Variants in PRDM2 observed in about 807,000 individuals in gnomAD.
PRDM2 encodes the protein PR domain zinc finger protein 2.
In PRDM2, 30 loss-of-function variants were observed where a neutral mutation model predicts 130.0. The ratio of observed to expected loss-of-function variants is 0.23; its 90% CI spans 0.17 to 0.31. The LOEUF (loss-of-function observed/expected upper bound fraction) is 0.31. Ranked by LOEUF, PRDM2 falls within the 10% of genes least tolerant of loss-of-function variation. The pLI, the probability that PRDM2 is intolerant of heterozygous loss-of-function variation, is 1.00. For synonymous variants in PRDM2, 871 were observed against 782.4 expected (o/e 1.11, Z -1.89); for missense variants, 2,011 against 2,108.4 (o/e 0.95, Z 0.90).
In PRDM2 at chr1:13,777,011, G is replaced by C. The variant is rs527853444; in HGVS notation, c.623-1407G>C. On this transcript the variant is annotated intron_variant, in intron 7 of 9. Coordinates refer to ENST00000311066, the MANE Select transcript of PRDM2 (RefSeq NM_001393986.1). ...GTCTACTTAATATATTTACTTGGAT[G>C]TCTATAATCAGGTACCTTAAACTTT... Among the ~76,000 whole-genome samples the C allele has an allele frequency of 1.2e-3, 177 of 152,274 alleles. 3 individuals are homozygous for C. The South Asian group carries it at 0.036, about 31-fold the overall frequency.
chr1:13,758,181 C>T (rs758476945), intron 6 of PRDM2, among the ~76,000 whole-genome samples: 3 of 152,034 alleles, frequency 2.0e-5, no homozygotes, highest in Non-Finnish European at 4.4e-5. Context: ...CGGTGGCTCA[C>T]ACCTGTAATC....
chr1:13,823,470 T>A lies in PRDM2; in HGVS notation c.*335T>A. The A allele has an allele frequency of 2.2e-6, 1 of 463,704 alleles. No homozygotes were observed. Among genetic ancestry groups the A allele is most frequent in the South Asian group, 3.1e-5 (1 of 32,632 alleles). The allele number at this position is 463,704 out of a possible 1,614,324, so 28.7% of individuals were successfully genotyped here. A position where few individuals can be genotyped will look rare whatever the true frequency, so the allele number is the denominator to read the frequency against. On this transcript the variant is annotated 3_prime_UTR_variant, in exon 10 of 10. Coordinates refer to ENST00000311066, the MANE Select transcript of PRDM2 (RefSeq NM_001393986.1). ...TGTTGGGGTGGGGCCTCTCCTACTA[T>A]GCAATTTTTCAAGAGCTCCTTGACC...
intron 4 of PRDM2, among the ~76,000 whole-genome samples, chr1:13,739,284 T>C (rs1038475682): frequency 5.3e-5 from 8 of 152,128 alleles, no homozygotes; most frequent in African/African-American, 1.9e-4. Context: ...CCTGACCTCA[T>C]GATTCCTCCC....
chr1:13,729,578 C>T lies in PRDM2; in HGVS notation c.10-1422C>T, dbSNP rs528225949. On this transcript the variant is annotated intron_variant, in intron 2 of 9. Transcript: ENST00000311066. ...TAGATTAAGAATTTAAAAATGGGGACACTATATTTAGAAGTGAAAAATGTC... is the reference window on the plus strand; with the variant it reads ...TAGATTAAGAATTTAAAAATGGGGATACTATATTTAGAAGTGAAAAATGTC... 6.4e-4 allele frequency among the ~76,000 whole-genome samples: 98 copies of T among 152,254 alleles called. 2 individuals are homozygous for T. The highest frequency in any genetic ancestry group is 6.0e-3 in the South Asian group (29 of 4,830).
chr1:13,742,362 C>T (rs1331256626), intron 5 of PRDM2, among the ~76,000 whole-genome samples: 7 of 152,096 alleles, frequency 4.6e-5, no homozygotes, highest in South Asian at 2.1e-4. Flanking sequence ...CCACCACACC[C>T]GGCTGAGTTT....
chr1:13,782,703 G>A lies in PRDM2; in HGVS notation c.4908G>A (p.Arg1636=), dbSNP rs1644644115. The change falls in exon 8 of 10, where the codon CGG becomes CGA. Residue 1636 remains arginine (R), a synonymous_variant. Transcript: ENST00000311066. Reference sequence around the variant, plus strand: ...TGGCGAGTAAGAAAAGAACAGACCGGTTCAATATAAAATCTAGAGAGCGGA... The same window carrying A: ...TGGCGAGTAAGAAAAGAACAGACCGATTCAATATAAAATCTAGAGAGCGGA... ...STLASKKRTD[R]FNIKSRERSG... The A allele has an allele frequency of 6.8e-6, 11 of 1,614,012 alleles. No homozygotes were observed. Among genetic ancestry groups the A allele is most frequent in the Non-Finnish European group, 9.3e-6 (11 of 1,180,000 alleles).
rs146638406 is a variant in PRDM2 at position 13,775,685 on chromosome 1, C to T, written c.622+2497C>T. Among the ~76,000 whole-genome samples, 552 of 152,272 alleles carry T rather than the reference C, an allele frequency of 3.6e-3. 4 individuals are homozygous for T. Among genetic ancestry groups the T allele is most frequent in the African/African-American group, 0.013 (534 of 41,536 alleles). On this transcript the variant is annotated intron_variant, in intron 7 of 9. Coordinates refer to ENST00000311066, the MANE Select transcript of PRDM2 (RefSeq NM_001393986.1). ...AGTAATACTTGGCATTGACCTCTTC[C>T]CCACTGTATCCACGCAGTCCCCATG...
At chr1:13,809,593 C>T (rs1285502707) in intron 8 of PRDM2, among the ~76,000 whole-genome samples, 6 of 152,054 alleles carry the variant, frequency 3.9e-5, no homozygotes, top group African/African-American at 1.2e-4. Flanking sequence ...AGAGATGTCA[C>T]GTCAGTGCGT....
intron 9 of PRDM2, among the ~76,000 whole-genome samples, chr1:13,821,758 C>T (rs530540579): frequency 2.6e-5 from 4 of 152,294 alleles, no homozygotes; most frequent in Admixed American, 6.5e-5. Context: ...TGAGCCACCG[C>T]GCCCAGCCTG....
intron 5 of PRDM2, among the ~76,000 whole-genome samples, chr1:13,747,865 A>G (rs1643662094): frequency 6.6e-6 from 1 of 152,172 alleles, no homozygotes; most frequent in African/African-American, 2.4e-5. Context: ...TAACAGCAAC[A>G]CATTATTTTA....
chr1:13,750,508 G>A (rs765738216), intron 6 of PRDM2, among the ~76,000 whole-genome samples: 16 of 151,980 alleles, frequency 1.1e-4, no homozygotes, highest in Non-Finnish European at 2.2e-4. Flanking sequence ...AAGTCATACT[G>A]TAAATAAAAT....
chr1:13,781,163 ATGT>A lies in PRDM2; in HGVS notation c.3376_3378del (p.Val1126del), dbSNP rs573722447. On this transcript the variant is annotated inframe_deletion, in exon 8 of 10. Coordinates refer to ENST00000311066, the MANE Select transcript of PRDM2 (RefSeq NM_001393986.1). The surrounding 1 kb of genome is among the most constrained non-coding windows in gnomAD (Gnocchi z 6.1). ...GAGCCCCAGTCTGCTGCTGAACAGG[ATGT>A]TGTTGTTCAGGAAACATTCAACAAA... 8.7e-4 allele frequency: 1,404 copies of A among 1,614,158 alleles called. 4 individuals carry two copies. Among genetic ancestry groups the A allele is most frequent in the Non-Finnish European group, 8.6e-4 (1,012 of 1,180,030 alleles).
Position 13,732,926 on chromosome 1 carries a change from A to G in PRDM2, c.231+44A>G, listed in dbSNP as rs758280323. On this transcript the variant is annotated intron_variant, in intron 4 of 9. Transcript: ENST00000311066. ...TCTTTGTTTTTCAGAGTTTTATGAAATAATTATTCTGTTCTCTCAGAATTT... is the reference window on the plus strand; with the variant it reads ...TCTTTGTTTTTCAGAGTTTTATGAAGTAATTATTCTGTTCTCTCAGAATTT... 6 of 1,277,158 alleles carry G rather than the reference A, an allele frequency of 4.7e-6. No individual in the cohort carries two copies. In the Admixed American group the frequency reaches 1.3e-4, roughly 28 times the overall value. 79.1% of individuals were successfully genotyped at this position (1,277,158 alleles called of 1,614,324 possible). A position where few individuals can be genotyped will look rare whatever the true frequency, so the allele number is the denominator to read the frequency against.
Position 13,779,524 on chromosome 1 carries a change from A to G in PRDM2, c.1729A>G (p.Asn577Asp). The G allele has an allele frequency of 1.2e-6, 2 of 1,614,110 alleles. No homozygotes were observed. The highest frequency in any genetic ancestry group is 1.7e-6 in the Non-Finnish European group (2 of 1,179,952). Reference sequence around the variant, plus strand: ...CTATATTGATGGTAAAATTCAAACTAATAACAACACTAGTAACTGTGATGT... The same window carrying G: ...CTATATTGATGGTAAAATTCAAACTGATAACAACACTAGTAACTGTGATGT... ...NYYIDGKIQT[N>D]NNTSNCDVIE... The change falls in exon 8 of 10, where the codon AAT becomes GAT. Residue 577 changes from asparagine to aspartate, a missense_variant. Asn to Asp is a conservative substitution (Grantham distance 23). This residue lies in a region of PRDM2 where 1,288 missense variants were observed against 1,237.7 expected (regional missense o/e 1.04). Coordinates refer to ENST00000311066, the MANE Select transcript of PRDM2 (RefSeq NM_001393986.1). The surrounding 1 kb of genome is among the most constrained non-coding windows in gnomAD (Gnocchi z 4.9).
At position 13,779,371 on chromosome 1, in the gene PRDM2, C is replaced by T. The variant is rs541808314; in HGVS notation, c.1576C>T (p.Pro526Ser). ...RRKGGLEEPQ[P>S]PAEQAQATQN... is the part of the protein sequence containing the mutation. The stretch of plus-strand genomic sequence containing the variant: ...AAAAGGAGGCCTTGAAGAGCCCCAG[C>T]CTCCAGCAGAACAGGCCCAGGCCAC... Residue 526 changes from proline to serine, a missense_variant, in exon 8 of 10, where the codon CCT (proline) becomes TCT (serine). Transcript: ENST00000311066. The surrounding 1 kb of genome is among the most constrained non-coding windows in gnomAD (Gnocchi z 4.9). The T allele has an allele frequency of 8.7e-6, 14 of 1,614,152 alleles. No individual in the cohort carries two copies. Among genetic ancestry groups the T allele is most frequent in the South Asian group, 7.7e-5 (7 of 91,064 alleles).
rs1301707758 is a variant in PRDM2, at chr1:13,816,414, T to A, written c.5037-13T>A. The A allele has an allele frequency of 7.4e-6, 12 of 1,613,786 alleles. No individual in the cohort carries two copies. Among genetic ancestry groups the A allele is most frequent in the African/African-American group, 1.3e-5 (1 of 74,898 alleles). On this transcript the variant is annotated splice_polypyrimidine_tract_variant and intron_variant, in intron 8 of 9. Coordinates refer to ENST00000311066, the MANE Select transcript of PRDM2 (RefSeq NM_001393986.1). Reference sequence around the variant, plus strand: ...CTCCTGTGACAATGTGTGTTGTTCCTCTTCCTGCACAGCTACAGCCTCCGC... The same window carrying A: ...CTCCTGTGACAATGTGTGTTGTTCCACTTCCTGCACAGCTACAGCCTCCGC...
At chr1:13,735,424 C>T (rs1389375229) in intron 4 of PRDM2, among the ~76,000 whole-genome samples, 3 of 152,206 alleles carry the variant, frequency 2.0e-5, no homozygotes, top group Admixed American at 6.5e-5. Context: ...TTTAAAACCA[C>T]CTCTGATAAA....
intron 6 of PRDM2, among the ~76,000 whole-genome samples, chr1:13,765,439 A>G (rs1389665872): frequency 4.0e-5 from 6 of 151,714 alleles, no homozygotes; most frequent in Non-Finnish European, 8.8e-5. Flanking sequence ...GACCTTCACC[A>G]TCTCACACAT....
chr1:13,777,666 T>G, intron 7 of PRDM2, among the ~76,000 whole-genome samples: 1 of 92,622 alleles, frequency 1.1e-5, no homozygotes, highest in African/African-American at 4.3e-5. Flanking sequence ...ATGCCTCATT[T>G]TCCTTAGGTC....
Sources: gnomAD v4.1 joint callset for allele counts (sites outside exome capture counted in the v4.1 genomes callset) on GRCh38, gnomAD v4.1.1 for gene constraint, gnomAD v4.1.1 regional missense constraint, Gnocchi (gnomAD v3.1) non-coding constraint, MANE v1.5 for transcripts, NCBI Gene and HGNC (gene_info 2026-07-23, HGNC 2026-07-21) for gene names.